The following CDH12 variants were observed in gnomAD, a reference collection of about 807,000 sequenced individuals.
CDH12 encodes cadherin-12.
CDH12 carries 41 observed loss-of-function variants against 74.1 expected under a neutral mutation model. That is an observed-to-expected ratio of 0.55 (90% CI 0.43 to 0.72). The LOEUF (loss-of-function observed/expected upper bound fraction) is 0.72. Among genes scored for constraint, CDH12 ranks in the 30% least tolerant of loss-of-function variants. CDH12 has a pLI of 0.00. For synonymous variants in CDH12, 399 were observed against 355.0 expected (o/e 1.12, Z -1.39); for missense variants, 945 against 977.2 (o/e 0.97, Z 0.44).
chr5:22,354,925 A>G (rs894870519), intron 3 of CDH12, among the ~76,000 whole-genome samples: 1 of 152,110 alleles, frequency 6.6e-6, no homozygotes, highest in Non-Finnish European at 1.5e-5. Context: ...ACCATTTCAT[A>G]ATGAGAGAAG....
At chr5:22,767,245 G>C (rs1746563205) in intron 1 of CDH12, among the ~76,000 whole-genome samples, 1 of 151,826 alleles carries the variant, frequency 6.6e-6, no homozygotes, top group South Asian at 2.1e-4. Context: ...TGAAAACCCA[G>C]TTTTCTTTAG....
chr5:22,605,101 A>C (rs1376558467), intron 1 of CDH12, among the ~76,000 whole-genome samples: 5 of 152,152 alleles, frequency 3.3e-5, no homozygotes, highest in Admixed American at 6.5e-5. Context: ...TGATAATTTT[A>C]TGGGCTTCAT....
intron 1 of CDH12, among the ~76,000 whole-genome samples, chr5:22,785,162 G>A (rs1387472348): frequency 1.3e-5 from 2 of 152,076 alleles, no homozygotes; most frequent in East Asian, 3.9e-4. Context: ...CCTGATGCTC[G>A]CCCACTCTGA....
chr5:22,254,051 A>G (rs1324875136), intron 3 of CDH12, among the ~76,000 whole-genome samples: 2 of 151,866 alleles, frequency 1.3e-5, no homozygotes, highest in African/African-American at 4.8e-5. Context: ...AATGAACTCA[A>G]GAAGTTTGAG....
intron 3 of CDH12, among the ~76,000 whole-genome samples, chr5:22,360,627 A>G (rs1740759460): frequency 6.6e-6 from 1 of 152,132 alleles, no homozygotes; most frequent in African/African-American, 2.4e-5. Flanking sequence ...ACACAACAAA[A>G]AAAAGAGAAT....
intron 3 of CDH12, among the ~76,000 whole-genome samples, chr5:22,339,941 T>C (rs1392231991): frequency 1.3e-5 from 2 of 152,204 alleles, no homozygotes; most frequent in African/African-American, 4.8e-5. Context: ...GTATTGCTAA[T>C]ATTTTCCATA....
At chr5:22,334,113 G>A (rs1270430329) in intron 3 of CDH12, among the ~76,000 whole-genome samples, 1 of 152,022 alleles carries the variant, frequency 6.6e-6, no homozygotes, top group Admixed American at 6.6e-5. Flanking sequence ...CTATAGTACT[G>A]GAAGTCTTAG....
chr5:22,478,166 C>G (rs1306630031), intron 2 of CDH12, among the ~76,000 whole-genome samples: 1 of 151,954 alleles, frequency 6.6e-6, no homozygotes, highest in East Asian at 1.9e-4. Context: ...CGCCTGTAAT[C>G]CCAGCACTTT....
intron 6 of CDH12, among the ~76,000 whole-genome samples, chr5:21,970,281 T>C (rs1307593485): frequency 6.6e-6 from 1 of 152,190 alleles, no homozygotes; most frequent in Non-Finnish European, 1.5e-5. Context: ...AACTCTGCTT[T>C]TAGGGCATAG....
At chr5:22,038,480 C>T (rs1282625163) in intron 5 of CDH12, among the ~76,000 whole-genome samples, 7 of 152,178 alleles carry the variant, frequency 4.6e-5, no homozygotes, top group Admixed American at 2.0e-4. Flanking sequence ...AGCTGCACAA[C>T]CCCTCCCAAA....
chr5:22,323,333 T>G (rs528768774), intron 3 of CDH12, among the ~76,000 whole-genome samples: 1 of 152,296 alleles, frequency 6.6e-6, no homozygotes, highest in South Asian at 2.1e-4. Flanking sequence ...TGTGCAGCTT[T>G]ATTGTTGCTC....
chr5:21,854,881 A>G, intron 6 of CDH12, 91 bp from the exon 7 acceptor site: 2 of 1,227,804 alleles, frequency 1.6e-6, no homozygotes, highest in East Asian at 2.4e-5. Flanking sequence ...TTCCTTTGGT[A>G]TTTGACCTAC....
At chr5:22,709,491 G>T (rs1270728415) in intron 1 of CDH12, among the ~76,000 whole-genome samples, 3 of 152,110 alleles carry the variant, frequency 2.0e-5, no homozygotes, top group Non-Finnish European at 4.4e-5. Context: ...ATTTCTGCCA[G>T]TATAACTGTA....
chr5:22,283,985 C>T (rs986741169), intron 3 of CDH12, among the ~76,000 whole-genome samples: 23 of 151,974 alleles, frequency 1.5e-4, no homozygotes, highest in Admixed American at 1.3e-4. Flanking sequence ...ATCCATTATT[C>T]AAAATAAAAG....
chr5:22,299,962 G>A (rs982078066), intron 3 of CDH12, among the ~76,000 whole-genome samples: 1 of 152,106 alleles, frequency 6.6e-6, no homozygotes, highest in African/African-American at 2.4e-5. Flanking sequence ...GCATATAGTA[G>A]GCTTTTACTC....
chr5:22,151,335 C>G (rs564418195), intron 4 of CDH12, among the ~76,000 whole-genome samples: 1 of 151,988 alleles, frequency 6.6e-6, no homozygotes, highest in Non-Finnish European at 1.5e-5. Context: ...GCTGTAAGAA[C>G]GAGGCATTAT....
At chr5:21,755,920 G>A (rs746465745) in intron 13 of CDH12, 78 bp from the exon 14 acceptor site, 4 of 1,333,752 alleles carry the variant, frequency 3.0e-6, no homozygotes, top group Middle Eastern at 1.9e-4. Context: ...CTGCTCAATA[G>A]TAAGAAGCTC....
At chr5:22,612,394 T>C (rs1025595962) in intron 1 of CDH12, among the ~76,000 whole-genome samples, 3 of 152,158 alleles carry the variant, frequency 2.0e-5, no homozygotes, top group African/African-American at 7.2e-5. Flanking sequence ...ATCTTATATT[T>C]ACTACATAAT....
At chr5:22,497,638 C>T (rs377223646) in intron 2 of CDH12, among the ~76,000 whole-genome samples, 6 of 83,242 alleles carry the variant, frequency 7.2e-5, no homozygotes, top group Admixed American at 2.0e-4. Context: ...TGTCGAATCT[C>T]TTTTTTTTTT....
Sources: allele counts gnomAD v4.1 joint callset (sites outside exome capture counted in the v4.1 genomes callset), GRCh38; gene constraint gnomAD v4.1.1; transcripts MANE v1.5; gene names NCBI Gene and HGNC (gene_info 2026-07-23, HGNC 2026-07-21).